The following TMEM135 variants were observed in gnomAD, a reference collection of about 807,000 sequenced individuals.
TMEM135 encodes transmembrane protein 135.
In TMEM135, 30 loss-of-function variants were observed where a neutral mutation model predicts 60.3. That is an observed-to-expected ratio of 0.50 (90% CI 0.37 to 0.68). The LOEUF (loss-of-function observed/expected upper bound fraction) is 0.68. TMEM135 is among the 30% of genes least tolerant of loss of function. The pLI is 0.00. For synonymous variants in TMEM135, 190 were observed against 186.7 expected (o/e 1.02, Z -0.14); for missense variants, 468 against 548.8 (o/e 0.85, Z 1.47).
intron 6 of TMEM135, among the ~76,000 whole-genome samples, chr11:87,240,235 T>A (rs1941099818): frequency 6.6e-6 from 1 of 152,064 alleles, no homozygotes. Context: ...CTGAGGATGT[T>A]TTGAAAGAGC....
chr11:87,101,210 A>G (rs1857450063), intron 4 of TMEM135, among the ~76,000 whole-genome samples: 1 of 152,176 alleles, frequency 6.6e-6, no homozygotes, highest in South Asian at 2.1e-4. Context: ...TTATGAAAAA[A>G]TTTTCCTGGG....
At chr11:87,130,640 A>G (rs1406664766) in intron 4 of TMEM135, among the ~76,000 whole-genome samples, 1 of 152,010 alleles carries the variant, frequency 6.6e-6, no homozygotes, top group Admixed American at 6.6e-5. Flanking sequence ...AGTAGCTGTT[A>G]AACCTTTTGT....
rs990120885 is a variant in TMEM135 at position 87,157,235 on chromosome 11, G to C, written c.397-106G>C. 14 of 1,044,042 alleles carry C rather than the reference G, an allele frequency of 1.3e-5. No homozygotes were observed. In the African/African-American group the frequency reaches 2.2e-4, roughly 17 times the overall value. The allele number at this position is 1,044,042 out of a possible 1,614,324, so 64.7% of individuals were successfully genotyped here. On this transcript the variant is annotated intron_variant, in intron 4 of 14. Coordinates refer to ENST00000305494, the MANE Select transcript of TMEM135 (RefSeq NM_022918.4). ...ATTGATCGTTCTCTAGAAGTTGCTG[G>C]ATATATAATAGTATTGAATGTTTTT...
At chr11:87,168,294 C>T (rs1221185860) in intron 5 of TMEM135, among the ~76,000 whole-genome samples, 1 of 152,030 alleles carries the variant, frequency 6.6e-6, no homozygotes, top group Non-Finnish European at 1.5e-5. Context: ...TTTTTTGTAT[C>T]TCTATCTCCT....
rs774360861 is a variant in TMEM135, at chr11:87,321,413, A to C, written c.*80A>C. On this transcript the variant is annotated 3_prime_UTR_variant, in exon 15 of 15. Coordinates refer to ENST00000305494, the MANE Select transcript of TMEM135 (RefSeq NM_022918.4). ...TGTTGAACACAAAGGAGGGGGCCCA[A>C]GCTCGAACTTCAGTGTTATTTCAGT... The C allele has an allele frequency of 1.4e-6, 2 of 1,472,308 alleles. No homozygotes were observed. The highest frequency in any genetic ancestry group is 1.9e-6 in the Non-Finnish European group (2 of 1,053,398). The allele number at this position is 1,472,308 out of a possible 1,614,324, so 91.2% of individuals were successfully genotyped here. A position where few individuals can be genotyped will look rare whatever the true frequency, so the allele number is the denominator to read the frequency against.
chr11:87,159,656 A>T (rs942286508), intron 5 of TMEM135, among the ~76,000 whole-genome samples: 24 of 150,956 alleles, frequency 1.6e-4, no homozygotes, highest in Non-Finnish European at 1.9e-4. Flanking sequence ...ATGCTATGGA[A>T]ATGGGTGCTA....
intron 6 of TMEM135, among the ~76,000 whole-genome samples, chr11:87,275,437 C>A (rs936605438): frequency 6.6e-6 from 1 of 151,710 alleles, no homozygotes; most frequent in African/African-American, 2.4e-5. Flanking sequence ...GGGCTCTTGA[C>A]TAACTTTAAA....
At position 87,063,210 on chromosome 11, in the gene TMEM135, T is replaced by C. The variant is rs566095018; in HGVS notation, c.142-4484T>C. ...TTTTTGGTAATCTGTCTTTTCACTT[T>C]ATATATTTTGATTCATTTTCCTAGG... On this transcript the variant is annotated intron_variant, in intron 1 of 14. Coordinates refer to ENST00000305494, the MANE Select transcript of TMEM135 (RefSeq NM_022918.4). 1.8e-3 allele frequency among the ~76,000 whole-genome samples: 267 copies of C among 152,354 alleles called. 3 individuals carry two copies. The highest frequency in any genetic ancestry group is 6.0e-3 in the African/African-American group (251 of 41,590).
intron 6 of TMEM135, among the ~76,000 whole-genome samples, chr11:87,270,374 C>A (rs960101102): frequency 6.6e-6 from 1 of 151,966 alleles, no homozygotes; most frequent in African/African-American, 2.4e-5. Flanking sequence ...TCAATTTTGG[C>A]TTTTGTTGCC....
At chr11:87,067,566 T>G in intron 1 of TMEM135, 128 bp from the exon 2 acceptor site, 1 of 1,209,378 alleles carries the variant, frequency 8.3e-7, no homozygotes, top group South Asian at 1.3e-5. Flanking sequence ...TTATAGAAGA[T>G]CCAGTGAAAT....
At chr11:87,115,698 G>T (rs1448100383) in intron 4 of TMEM135, among the ~76,000 whole-genome samples, 2 of 152,016 alleles carry the variant, frequency 1.3e-5, no homozygotes, top group South Asian at 2.1e-4. Context: ...GAGAGTATTT[G>T]TATGAGAATT....
In TMEM135 at chr11:87,067,694, A is replaced by G; in HGVS notation, c.142A>G (p.Ile48Val). The G allele has an allele frequency of 6.2e-7, 1 of 1,613,658 alleles. No individual in the cohort carries two copies. Among genetic ancestry groups the G allele is most frequent in the African/African-American group, 1.3e-5 (1 of 75,012 alleles). ...AACAAAAAATCCTTTCTCTTTCCAG[A>G]TTGCAGCAATTCTCCGGAAACGGAA... Reference protein sequence around the residue: ...SLKIYAPLYLIAAILRKRKLD... With the variant: ...SLKIYAPLYLVAAILRKRKLD... Residue 48 changes from isoleucine (I) to valine (V), a missense_variant and splice_region_variant, in exon 2 of 15, where the codon ATT becomes GTT. Ile to Val is a conservative substitution (Grantham distance 29, BLOSUM62 3). Coordinates refer to ENST00000305494, the MANE Select transcript of TMEM135 (RefSeq NM_022918.4).
At chr11:87,134,158 C>T (rs963696034) in intron 4 of TMEM135, among the ~76,000 whole-genome samples, 1 of 152,036 alleles carries the variant, frequency 6.6e-6, no homozygotes, top group African/African-American at 2.4e-5. Context: ...AAGGCGTTGG[C>T]AAGGTTGGTT....
At chr11:87,315,756 T>C (rs1480110603) in intron 12 of TMEM135, among the ~76,000 whole-genome samples, 4 of 151,976 alleles carry the variant, frequency 2.6e-5, no homozygotes, top group African/African-American at 9.7e-5. Flanking sequence ...TACCAGTGTT[T>C]AGAATGAGTT....
At chr11:87,284,534 A>G (rs974223079) in intron 6 of TMEM135, among the ~76,000 whole-genome samples, 1 of 152,206 alleles carries the variant, frequency 6.6e-6, no homozygotes, top group African/African-American at 2.4e-5. Flanking sequence ...TCGTCTGGGG[A>G]CTTAGAATCT....
At chr11:87,187,499 C>T (rs1040711255) in intron 5 of TMEM135, among the ~76,000 whole-genome samples, 6 of 152,150 alleles carry the variant, frequency 3.9e-5, no homozygotes, top group Non-Finnish European at 8.8e-5. Flanking sequence ...GGGGATCTTG[C>T]AGATCTTGAC....
intron 6 of TMEM135, among the ~76,000 whole-genome samples, chr11:87,268,206 AG>A (rs1941791577): frequency 1.4e-5 from 1 of 71,524 alleles, no homozygotes; most frequent in Non-Finnish European, 3.5e-5. Context: ...TGTTTTTTTG[AG>A]ACTGGGTCTT....
At chr11:87,112,246 A>G (rs1857771903) in intron 4 of TMEM135, among the ~76,000 whole-genome samples, 1 of 152,178 alleles carries the variant, frequency 6.6e-6, no homozygotes, top group East Asian at 1.9e-4. Flanking sequence ...TTTGGTCTAG[A>G]AGGTAAGCAT....
At chr11:87,157,931 A>G (rs930584682) in intron 5 of TMEM135, 1 of 153,250 alleles carries the variant, frequency 6.5e-6, no homozygotes, top group Non-Finnish European at 1.5e-5. Context: ...CACCTCACAT[A>G]CATTTTCATG....
Sources: gnomAD v4.1 joint callset for allele counts (sites outside exome capture counted in the v4.1 genomes callset) on GRCh38, gnomAD v4.1.1 for gene constraint, MANE v1.5 for transcripts, NCBI Gene and HGNC (gene_info 2026-07-23, HGNC 2026-07-21) for gene names.